The following SNX18 variants were observed in gnomAD, a reference collection of about 807,000 sequenced individuals.
SNX18 encodes the protein sorting nexin 18, also known as sorting nexin-18.
A neutral mutation model predicts 48.7 loss-of-function variants in SNX18; 35 were observed. The observed-to-expected ratio is 0.72, with a 90% CI of 0.55 to 0.95. The LOEUF (loss-of-function observed/expected upper bound fraction) is 0.95, where lower values mean the gene tolerates loss of function less well. Ranked by LOEUF, SNX18 falls within the 40% of genes least tolerant of loss-of-function variation. The pLI is 0.00. For missense variants in SNX18, 824 were observed against 871.0 expected (o/e 0.95, Z 0.68); for synonymous variants, 492 against 384.7 (o/e 1.28, Z -3.26).
At chr5:54,638,677 T>C in the SNX18 span, among the ~76,000 whole-genome samples, 1 of 152,206 alleles carries the variant, frequency 6.6e-6, no homozygotes, top group Non-Finnish European at 1.5e-5. Context: ...TATGTACAAA[T>C]ATTTTACATG....
the SNX18 span, among the ~76,000 whole-genome samples, chr5:54,588,606 C>A: frequency 6.6e-6 from 1 of 152,188 alleles, no homozygotes; most frequent in African/African-American, 2.4e-5. Flanking sequence ...GGATTACAGG[C>A]GTGAGCCACC....
chr5:54,582,980 G>A, the SNX18 span, among the ~76,000 whole-genome samples: 1 of 152,104 alleles, frequency 6.6e-6, no homozygotes, highest in Non-Finnish European at 1.5e-5. Flanking sequence ...AGTCAGTATA[G>A]CCCATAGTCA....
the SNX18 span, among the ~76,000 whole-genome samples, chr5:54,619,842 A>G: frequency 1.3e-5 from 2 of 152,184 alleles, no homozygotes; most frequent in African/African-American, 4.8e-5. Context: ...AAGTGGTTAC[A>G]TTCTTGTGAG....
chr5:54,566,900 A>C, the SNX18 span, among the ~76,000 whole-genome samples: 1 of 152,232 alleles, frequency 6.6e-6, no homozygotes, highest in Non-Finnish European at 1.5e-5. Flanking sequence ...GTCTACGTTC[A>C]TTACGACTCC....
chr5:54,575,610 C>T, the SNX18 span, among the ~76,000 whole-genome samples: 9 of 151,988 alleles, frequency 5.9e-5, no homozygotes, highest in African/African-American at 1.5e-4. Flanking sequence ...GTGATCTGCC[C>T]GCCTCGGCCT....
chr5:54,607,492 C>A, the SNX18 span, among the ~76,000 whole-genome samples: 1 of 152,204 alleles, frequency 6.6e-6, no homozygotes, highest in Non-Finnish European at 1.5e-5. Flanking sequence ...CCTATTTCTA[C>A]AGAATGGCTA....
At chr5:54,619,934 A>G in the SNX18 span, among the ~76,000 whole-genome samples, 476 of 152,284 alleles carry the variant, frequency 3.1e-3, 1 homozygote, top group Admixed American at 7.5e-3. Flanking sequence ...GGCCCAGTAA[A>G]TCTACATTTT....
chr5:54,631,690 T>C, the SNX18 span, among the ~76,000 whole-genome samples: 1 of 152,160 alleles, frequency 6.6e-6, no homozygotes, highest in Non-Finnish European at 1.5e-5. Flanking sequence ...CAGGTGACAA[T>C]CAGTACTAGC....
the SNX18 span, among the ~76,000 whole-genome samples, chr5:54,591,923 G>GT: frequency 0.15 from 23,221 of 152,150 alleles, 2,012 homozygotes; most frequent in South Asian, 0.22. Flanking sequence ...TTTGGAGATT[G>GT]TTTGTTGCTA....
chr5:54,527,386 T>G (rs1436811343), intron 1 of SNX18, among the ~76,000 whole-genome samples: 1 of 151,822 alleles, frequency 6.6e-6, no homozygotes, highest in Non-Finnish European at 1.5e-5. Context: ...TCCAGCTATA[T>G]TTTGGAGGTA....
chr5:54,555,925 T>C, the SNX18 span, among the ~76,000 whole-genome samples: 1 of 152,214 alleles, frequency 6.6e-6, no homozygotes, highest in Admixed American at 6.5e-5. Context: ...GTGTTACATT[T>C]GCTATACATT....
chr5:54,532,679 A>G (rs1251208837), intron 1 of SNX18, among the ~76,000 whole-genome samples: 4 of 152,228 alleles, frequency 2.6e-5, no homozygotes, highest in Non-Finnish European at 5.9e-5. Context: ...CTGTGTTTTC[A>G]GAATTCTCCT....
chr5:54,527,618 C>T (rs1267796032), intron 1 of SNX18, among the ~76,000 whole-genome samples: 1 of 152,228 alleles, frequency 6.6e-6, no homozygotes, highest in Non-Finnish European at 1.5e-5. Context: ...AACACAAGCA[C>T]TTTCTAGCTT....
Position 54,519,117 on chromosome 5 carries a change from G to T in SNX18, c.1165G>T (p.Ala389Ser). The change falls in exon 1 of 2, where the codon GCC becomes TCC. Residue 389 changes from alanine to serine, a missense_variant. Physicochemically the swap from Ala to Ser is moderately conservative, Grantham distance 99. Transcript: ENST00000381410. ...GTGCCCCAGCAGCACCGACGAGAAA[G>T]CCTGGAAGCAGGGCAAGAGGAAGGC... The part of the protein sequence containing the change: ...LTCPSSTDEK[A>S]WKQGKRKAEK... 6.2e-7 allele frequency: 1 copy of T among 1,614,148 alleles called. No individual in the cohort carries two copies. Among genetic ancestry groups the T allele is most frequent in the Non-Finnish European group, 8.5e-7 (1 of 1,180,016 alleles).
the SNX18 span, among the ~76,000 whole-genome samples, chr5:54,561,504 A>ATTTTTTTTTTTTTTTTTTTTTTTTTTTTT: frequency 1.5e-5 from 2 of 133,020 alleles, no homozygotes; most frequent in African/African-American, 5.7e-5. Context: ...CGCCCAGCTA[A>ATTTTTTTTTTTTTTTTTTTTTTTTTTTTT]TTTTTTTTTT....
intron 1 of SNX18, among the ~76,000 whole-genome samples, chr5:54,528,139 TACACAC>T (rs10554517): frequency 8.7e-5 from 13 of 150,228 alleles, no homozygotes; most frequent in South Asian, 2.1e-4. Flanking sequence ...TACACGCACA[TACACAC>T]ACACACACAC....
intron 1 of SNX18, chr5:54,520,279 A>C (rs927922769): frequency 5.0e-5 from 9 of 179,884 alleles, no homozygotes; most frequent in Non-Finnish European, 9.4e-5. Flanking sequence ...CTGGTATCCC[A>C]GTGAGTTAGC....
the SNX18 span, among the ~76,000 whole-genome samples, chr5:54,565,865 G>A: frequency 1.8e-4 from 28 of 152,142 alleles, no homozygotes; most frequent in Non-Finnish European, 3.5e-4. Context: ...TGAGCTGCGT[G>A]TTTATTACAA....
Position 54,519,073 on chromosome 5 carries a change from T to C in SNX18, c.1121T>C (p.Val374Ala), listed in dbSNP as rs773270257. ...ASHPVLAQCD[V>A]FQHFLTCPSS... ...CACCCAGTGCTGGCGCAGTGCGACGTCTTCCAGCACTTCCTGACGTGCCCC... is the reference window on the plus strand; with the variant it reads ...CACCCAGTGCTGGCGCAGTGCGACGCCTTCCAGCACTTCCTGACGTGCCCC... The change falls in exon 1 of 2, where the codon GTC becomes GCC. Residue 374 changes from valine (V) to alanine (A), a missense_variant. Physicochemically the swap from Val to Ala is moderately conservative, Grantham distance 64 (BLOSUM62 0). Around this residue, in one of 3 missense-constraint regions of SNX18, gnomAD observed 443 missense variants for 503.6 expected, o/e 0.88. Coordinates refer to ENST00000381410, the MANE Select transcript of SNX18 (RefSeq NM_001102575.2). 6 of 1,613,710 alleles carry C rather than the reference T, an allele frequency of 3.7e-6. No homozygotes were observed. The highest frequency in any genetic ancestry group is 1.3e-5 in the African/African-American group (1 of 74,872).
Sources: gnomAD v4.1 joint callset for allele counts (sites outside exome capture counted in the v4.1 genomes callset) on GRCh38, gnomAD v4.1.1 for gene constraint, gnomAD v4.1.1 regional missense constraint, MANE v1.5 for transcripts, NCBI Gene and HGNC (gene_info 2026-07-23, HGNC 2026-07-21) for gene names.